Variants in USP33 observed in about 807,000 individuals in gnomAD.
USP33 encodes ubiquitin carboxyl-terminal hydrolase 33.
Under a neutral mutation model 124.2 loss-of-function variants are expected in USP33, and 46 were observed. The ratio of observed to expected loss-of-function variants is 0.37; its 90% CI spans 0.29 to 0.47. The LOEUF is 0.47. USP33 is among the 20% of genes least tolerant of loss of function. USP33 has a pLI of 0.99. For synonymous variants in USP33, 350 were observed against 352.3 expected, an observed-to-expected ratio of 0.99 and a Z score of 0.07; for missense variants, 851 against 1,070.6, an observed-to-expected ratio of 0.79 and a Z score of 2.86.
At chr1:77,739,574 C>G (rs79080620) in intron 4 of USP33, among the ~76,000 whole-genome samples, 157 bp from the exon 5 acceptor site, 2,798 of 152,222 alleles carry the variant, frequency 0.018, 107 homozygotes, top group African/African-American at 0.064. Context: ...TTTAGATAAA[C>G]TTCTAAGGTA....
At chr1:77,698,794 C>T (rs1673699002) in intron 22 of USP33, among the ~76,000 whole-genome samples, 1 of 152,096 alleles carries the variant, frequency 6.6e-6, no homozygotes, top group South Asian at 2.1e-4. Flanking sequence ...GCCACCACGC[C>T]CGGCCCAGAA....
At position 77,704,598 on chromosome 1, in the gene USP33, CTT is replaced by C. The variant is rs369620801; in HGVS notation, c.2407-3129_2407-3128del. On this transcript the variant is annotated intron_variant, in intron 21 of 23. Coordinates refer to ENST00000370794, the MANE Select transcript of USP33 (RefSeq NM_201624.3). Reference sequence around the variant, plus strand: ...CTAAATGTAGTTCTCACTCTGTTCTCTTTTAAAAAATACATAATAGAAAAACA... The same window carrying C: ...CTAAATGTAGTTCTCACTCTGTTCTCTTAAAAAATACATAATAGAAAAACA... 1.1e-4 allele frequency among the ~76,000 whole-genome samples: 16 copies of C among 152,244 alleles called. No individual in the cohort carries two copies. The East Asian group carries it at 2.7e-3, about 26-fold the overall frequency.
In USP33 at chr1:77,740,354, CT is replaced by C. The variant is rs772557695; in HGVS notation, c.198+522del. ...TCACCTTCAAATATCTGGATATACA[CT>C]TTTTTTTTTTTTTTTGAGATGGAGT... On this transcript the variant is annotated intron_variant, in intron 4 of 23. Coordinates refer to ENST00000370794, the MANE Select transcript of USP33 (RefSeq NM_201624.3). Among the ~76,000 whole-genome samples, 343 of 142,978 alleles carry C rather than the reference CT, an allele frequency of 2.4e-3. 1 individual carries two copies. The highest frequency in any genetic ancestry group is 3.6e-3 in the Middle Eastern group (1 of 274). The allele number at this position is 142,978 out of a possible 152,430, so 93.8% of individuals were successfully genotyped here.
At chr1:77,736,211 A>ACTTT in intron 5 of USP33, 53 bp from the exon 6 acceptor site, 1 of 1,259,616 alleles carries the variant, frequency 7.9e-7, no homozygotes, top group Non-Finnish European at 1.1e-6. Context: ...ATTTAAAAAA[A>ACTTT]GTTTTAATTG....
At chr1:77,706,731 A>G (rs1674673823) in intron 21 of USP33, among the ~76,000 whole-genome samples, 1 of 152,228 alleles carries the variant, frequency 6.6e-6, no homozygotes, top group Non-Finnish European at 1.5e-5. Flanking sequence ...TGGGTTTGGT[A>G]CTATCTTACA....
At chr1:77,711,916 A>C in intron 20 of USP33, 61 bp from the exon 21 acceptor site, 1 of 1,489,156 alleles carries the variant, frequency 6.7e-7, no homozygotes, top group Non-Finnish European at 9.1e-7. Context: ...CATTTAAGTC[A>C]GTGGCCAAAT....
intron 1 of USP33, among the ~76,000 whole-genome samples, chr1:77,752,304 A>C (rs1185941624): frequency 6.6e-6 from 1 of 151,862 alleles, no homozygotes; most frequent in Non-Finnish European, 1.5e-5. Context: ...CATCCAGCTA[A>C]ATTTTTGTAT....
intron 1 of USP33, among the ~76,000 whole-genome samples, chr1:77,750,787 G>A: frequency 6.6e-6 from 1 of 152,172 alleles, no homozygotes; most frequent in East Asian, 1.9e-4. Flanking sequence ...AAAACCCTTA[G>A]TATTTTCTTT....
chr1:77,717,158 C>T (rs920149612), intron 17 of USP33, among the ~76,000 whole-genome samples: 2 of 152,050 alleles, frequency 1.3e-5, no homozygotes, highest in Admixed American at 6.6e-5. Flanking sequence ...AGCCACCACA[C>T]CCAGCTAGAA....
At chr1:77,704,076 C>T (rs1236445094) in intron 21 of USP33, among the ~76,000 whole-genome samples, 3 of 151,694 alleles carry the variant, frequency 2.0e-5, no homozygotes, top group Non-Finnish European at 4.4e-5. Flanking sequence ...GATCATGCCA[C>T]CGTGCTCCAG....
intron 5 of USP33, 54 bp downstream of exon 5, chr1:77,739,211 T>C: frequency 6.4e-7 from 1 of 1,553,014 alleles, no homozygotes; most frequent in South Asian, 1.3e-5. Flanking sequence ...TGACAAATTC[T>C]GAAATTATTA....
Position 77,739,264 on chromosome 1 carries a change from C to A in USP33, c.351+1G>T, listed in dbSNP as rs1216892624. 6.2e-7 allele frequency: 1 copy of A among 1,609,628 alleles called. No homozygotes were observed. Among genetic ancestry groups the A allele is most frequent in the Non-Finnish European group, 8.5e-7 (1 of 1,178,436 alleles). On this transcript the variant is annotated splice_donor_variant, in intron 5 of 23. Coordinates refer to ENST00000370794, the MANE Select transcript of USP33 (RefSeq NM_201624.3). LOFTEE classifies it high-confidence loss of function. Reference sequence around the variant, plus strand: ...TTAACTAAGTGGATCTAGATTATTACCTGGACACTGTTTTCTTGTATTTGG... The same window carrying A: ...TTAACTAAGTGGATCTAGATTATTAACTGGACACTGTTTTCTTGTATTTGG...
intron 7 of USP33, among the ~76,000 whole-genome samples, chr1:77,732,901 C>T (rs1316486140): frequency 1.4e-5 from 2 of 147,524 alleles, no homozygotes; most frequent in Non-Finnish European, 3.0e-5. Context: ...TTACACAATT[C>T]TCCTGCCTCA....
rs755372863 is a variant in USP33, at chr1:77,722,172, G to A, written c.1414C>T (p.Gln472Ter). The A allele has an allele frequency of 6.2e-7, 1 of 1,613,296 alleles. No individual in the cohort carries two copies. Among genetic ancestry groups the A allele is most frequent in the Non-Finnish European group, 8.5e-7 (1 of 1,179,674 alleles). ...CCAGGAATTGGCAAGGACAGATCTT[G>A]AAAGGTCTCGAGGGTTACAGACACC... ...DRVSVTLETFQDLSLPIPGKE... is the reference protein window; with the variant it reads ...DRVSVTLETF Residue 472 changes from glutamine to a stop codon, truncating the protein, a stop_gained, in exon 13 of 24, where the codon CAA (glutamine) becomes TAA (stop). Transcript: ENST00000370794. LOFTEE classifies it high-confidence loss of function.
chr1:77,715,896 C>T (rs772165834), intron 17 of USP33, 28 bp from the exon 18 acceptor site: 7 of 1,601,362 alleles, frequency 4.4e-6, no homozygotes, highest in East Asian at 2.2e-5. Context: ...GAAATCATTA[C>T]AGTAATACAA....
intron 1 of USP33, among the ~76,000 whole-genome samples, chr1:77,758,175 C>CTTTTTTTTTTTT (rs1185358841): frequency 2.1e-5 from 2 of 94,284 alleles, no homozygotes; most frequent in Non-Finnish European, 2.0e-5. Flanking sequence ...TTGTACTGTC[C>CTTTTTTTTTTTT]TTTTTTTTTT....
At chr1:77,704,483 C>T (rs771143743) in intron 21 of USP33, among the ~76,000 whole-genome samples, 9 of 152,130 alleles carry the variant, frequency 5.9e-5, no homozygotes, top group South Asian at 2.1e-4. Context: ...TTTAGGTAGG[C>T]GCTTTTTAAA....
intron 14 of USP33, 132 bp downstream of exon 14, chr1:77,721,699 C>G: frequency 1.3e-6 from 1 of 754,568 alleles, no homozygotes; most frequent in Non-Finnish European, 2.1e-6. Context: ...AGACACTAAC[C>G]GAATGCCAAT....
At chr1:77,757,678 T>C (rs975880547) in intron 1 of USP33, among the ~76,000 whole-genome samples, 3 of 152,212 alleles carry the variant, frequency 2.0e-5, no homozygotes, top group Non-Finnish European at 2.9e-5. Context: ...GTCCACAGTC[T>C]TGTCATATGT....
Sources: gnomAD v4.1 joint callset for allele counts (sites outside exome capture counted in the v4.1 genomes callset) on GRCh38, gnomAD v4.1.1 for gene constraint, MANE v1.5 for transcripts, NCBI Gene and HGNC (gene_info 2026-07-23, HGNC 2026-07-21) for gene names.